Variants in TSPAN1 observed in about 807,000 individuals in gnomAD.
TSPAN1 encodes the protein tetraspanin 1.
Under a neutral mutation model 26.9 loss-of-function variants are expected in TSPAN1, and 23 were observed. The observed-to-expected ratio is 0.85, with a 90% CI of 0.62 to 1.21. TSPAN1 has a LOEUF of 1.21. TSPAN1 is among the 50% of genes most tolerant of loss of function. The probability of loss-of-function intolerance (pLI) is 0.00; values close to 1 mark genes in which losing one functional copy is unlikely to be tolerated. For missense variants in TSPAN1, 283 were observed against 298.4 expected (o/e 0.95, Z 0.38); for synonymous variants, 115 against 114.8 (o/e 1.00, Z -0.01).
chr1:46,190,413 C>A, downstream of TSPAN1: 7 of 1,517,326 alleles, frequency 4.6e-6, no homozygotes, highest in Non-Finnish European at 6.4e-6. Flanking sequence ...ATTATGGGGC[C>A]AAGATCCCCA....
chr1:46,194,472 A>C, the TSPAN1 span: 1 of 1,614,104 alleles, frequency 6.2e-7, no homozygotes, highest in Non-Finnish European at 8.5e-7. Context: ...GCACACAATC[A>C]AAGGAATAAA....
the TSPAN1 span, chr1:46,195,867 T>C: frequency 1.9e-6 from 3 of 1,612,958 alleles, no homozygotes; most frequent in East Asian, 4.5e-5. Flanking sequence ...AATAGCACCA[T>C]GGCCTCATCC....
At chr1:46,193,545 C>A in the TSPAN1 span, 2 of 1,613,926 alleles carry the variant, frequency 1.2e-6, no homozygotes, top group African/African-American at 1.3e-5. Context: ...ACCCGAGGCA[C>A]CCCCCAAGTC....
At chr1:46,190,696 C>T (rs781517642), downstream of TSPAN1, 11 of 1,601,658 alleles carry the variant, frequency 6.9e-6, no homozygotes, top group Non-Finnish European at 9.4e-6. Context: ...GATATCCACC[C>T]CTTGCCCTGC....
chr1:46,186,221 C>G (rs1437747823), downstream of TSPAN1, among the ~76,000 whole-genome samples: 1 of 152,152 alleles, frequency 6.6e-6, no homozygotes, highest in Non-Finnish European at 1.5e-5. Context: ...GAAACTACCC[C>G]CTCCTGGGTA....
At chr1:46,186,798 C>G (rs12143248), downstream of TSPAN1, among the ~76,000 whole-genome samples, 626 of 151,510 alleles carry the variant, frequency 4.1e-3, 2 homozygotes, top group Middle Eastern at 0.01. Context: ...GAGTAGCTGG[C>G]ACTACAGGCG....
intron 1 of TSPAN1, among the ~76,000 whole-genome samples, chr1:46,176,695 G>C (rs932104181): frequency 6.6e-6 from 1 of 152,246 alleles, no homozygotes; most frequent in Non-Finnish European, 1.5e-5. Context: ...TGGGAAAAGA[G>C]GCCCTAGAGG....
chr1:46,182,080 G>A (rs904837351), intron 3 of TSPAN1, among the ~76,000 whole-genome samples: 6 of 151,816 alleles, frequency 4.0e-5, no homozygotes, highest in South Asian at 2.1e-4. Flanking sequence ...TGGAGATGAC[G>A]CCCATATCTC....
intron 3 of TSPAN1, among the ~76,000 whole-genome samples, chr1:46,182,975 G>A (rs971589579): frequency 1.3e-5 from 2 of 152,024 alleles, no homozygotes; most frequent in African/African-American, 4.8e-5. Flanking sequence ...ACCATGCTCA[G>A]CTAATTAAAA....
In TSPAN1 at chr1:46,185,078, C is replaced by A; in HGVS notation, c.557C>A (p.Thr186Asn). 6.2e-7 allele frequency: 1 copy of A among 1,614,198 alleles called. No homozygotes were observed. The highest frequency in any genetic ancestry group is 8.5e-7 in the Non-Finnish European group (1 of 1,180,050). Reference sequence around the variant, plus strand: ...AACGTCACCAACACAGCCAATGAAACCTGCACCAAGCAAAAGGCTCACGAC... The same window carrying A: ...AACGTCACCAACACAGCCAATGAAAACTGCACCAAGCAAAAGGCTCACGAC... ...NDNVTNTANE[T>N]CTKQKAHDQK... The change falls in exon 7 of 9, where the codon ACC (threonine) becomes AAC (asparagine). Residue 186 changes from threonine to asparagine, a missense_variant. Coordinates refer to ENST00000372003, the MANE Select transcript of TSPAN1 (RefSeq NM_005727.4).
chr1:46,184,383 T>TG lies in TSPAN1; in HGVS notation c.251dup (p.Cys84TrpfsTer17), dbSNP rs1657378574. ...CTATGGTGCTAAGACTGAGAGCAAG[T>TG]GTGCCCTCGTGACGGTGTGTGAAAC... is the stretch of plus-strand genomic sequence containing the variant. On this transcript the variant is annotated frameshift_variant, in exon 4 of 9. Coordinates refer to ENST00000372003, the MANE Select transcript of TSPAN1 (RefSeq NM_005727.4). LOFTEE classifies it high-confidence loss of function. 1 of 1,613,994 alleles carries TG rather than the reference T, an allele frequency of 6.2e-7. No individual in the cohort carries two copies. Among genetic ancestry groups the TG allele is most frequent in the Non-Finnish European group, 8.5e-7 (1 of 1,180,000 alleles).
At position 46,184,796 on chromosome 1, in the gene TSPAN1, C is replaced by T. The variant is rs1206029969; in HGVS notation, c.351C>T (p.Phe117=). The T allele has an allele frequency of 6.2e-7, 1 of 1,614,176 alleles. No homozygotes were observed. The highest frequency in any genetic ancestry group is 1.3e-5 in the African/African-American group (1 of 75,038). Residue 117 remains phenylalanine (F), a synonymous_variant, in exon 6 of 9, where the codon TTC becomes TTT. Coordinates refer to ENST00000372003, the MANE Select transcript of TSPAN1 (RefSeq NM_005727.4). The part of the protein sequence containing the change: ...ALVYTTMAEH[F]LTLLVVPAIK... ...CCTGCCTCACCCAGGCTGAGCACTTCCTGACGTTGCTGGTAGTGCCTGCCA... is the reference window on the plus strand; with the variant it reads ...CCTGCCTCACCCAGGCTGAGCACTTTCTGACGTTGCTGGTAGTGCCTGCCA...
At chr1:46,192,118 T>A in the TSPAN1 span, 1 of 1,614,168 alleles carries the variant, frequency 6.2e-7, no homozygotes, top group Non-Finnish European at 8.5e-7. Flanking sequence ...CCATTCATGT[T>A]GAGGCCGACG....
downstream of TSPAN1, chr1:46,189,848 G>T: frequency 6.2e-7 from 1 of 1,613,730 alleles, no homozygotes; most frequent in South Asian, 1.1e-5. Context: ...CATGGTATTG[G>T]AGCACCTTGG....
At chr1:46,184,132 T>C (rs571599585) in intron 3 of TSPAN1, 59 bp from the exon 4 acceptor site, 4 of 1,556,876 alleles carry the variant, frequency 2.6e-6, no homozygotes, top group African/African-American at 2.7e-5. Context: ...TACTCAGCTG[T>C]GTGGTAGTAA....
the TSPAN1 span, chr1:46,192,353 G>C: frequency 6.2e-7 from 1 of 1,614,158 alleles, no homozygotes; most frequent in South Asian, 1.1e-5. Flanking sequence ...CCTTGTACAA[G>C]GACCTCCTGA....
intron 1 of TSPAN1, chr1:46,175,866 G>C: frequency 2.3e-6 from 1 of 429,506 alleles, no homozygotes; most frequent in East Asian, 3.5e-5. Flanking sequence ...ATCTTCACTG[G>C]CTCTGGTTTT....
downstream of TSPAN1, chr1:46,189,996 T>C (rs779828278): frequency 6.2e-7 from 1 of 1,613,648 alleles, no homozygotes; most frequent in Non-Finnish European, 8.5e-7. Context: ...CTCACTGCAG[T>C]AGAGGGTGGG....
the TSPAN1 span, chr1:46,196,158 G>C: frequency 6.2e-7 from 1 of 1,605,306 alleles, no homozygotes; most frequent in Non-Finnish European, 8.5e-7. The surrounding 1 kb of genome is among the most constrained non-coding windows in gnomAD (Gnocchi z 4.4). Context: ...TAAAACACCA[G>C]CTGCTTGAAA....
Sources: allele counts gnomAD v4.1 joint callset (sites outside exome capture counted in the v4.1 genomes callset), GRCh38; gene constraint gnomAD v4.1.1; non-coding constraint Gnocchi (gnomAD v3.1); transcripts MANE v1.5; gene names NCBI Gene and HGNC (gene_info 2026-07-23, HGNC 2026-07-21).